Variants in MAPK12 observed in about 807,000 individuals in gnomAD.
The protein encoded by MAPK12 is mitogen-activated protein kinase 12.
Under a neutral mutation model 49.1 loss-of-function variants are expected in MAPK12, and 49 were observed. That is an observed-to-expected ratio of 1.00 (90% CI 0.79 to 1.27). The LOEUF is 1.27. Ranked by LOEUF, MAPK12 falls within the 50% of genes most tolerant of loss-of-function variation. The pLI is 0.00. For missense variants in MAPK12, 554 were observed against 502.4 expected (o/e 1.10, Z -0.98); for synonymous variants, 251 against 209.7 (o/e 1.20, Z -1.70).
intron 11 of MAPK12, chr22:50,254,280 C>CG (rs76989507): frequency 1.3e-5 from 2 of 152,454 alleles, no homozygotes. Context: ...GACTGCTTAG[C>CG]GGGGGCTGGG....
At position 50,256,969 on chromosome 22, in the gene MAPK12, G is replaced by A. The variant is rs578001046; in HGVS notation, c.427-5C>T. 36 of 1,605,778 alleles carry A rather than the reference G, an allele frequency of 2.2e-5. No individual in the cohort carries two copies. The highest frequency in any genetic ancestry group is 1.6e-4 in the Middle Eastern group (1 of 6,070). On this transcript the variant is annotated splice_polypyrimidine_tract_variant and splice_region_variant and intron_variant, in intron 4 of 11. Coordinates refer to ENST00000215659, the MANE Select transcript of MAPK12 (RefSeq NM_002969.6). ...GATGCCGGCAGCGTGGATATACTGC[G>A]GGGGGCAGAGGATTTGGCAGGCTTC...
intron 2 of MAPK12, among the ~76,000 whole-genome samples, chr22:50,259,112 C>T (rs922288022): frequency 2.0e-5 from 3 of 152,304 alleles, no homozygotes; most frequent in African/African-American, 4.8e-5. Flanking sequence ...CTAAATGCGT[C>T]CTCCTGGCCG....
intron 9 of MAPK12, 31 bp downstream of exon 9, chr22:50,255,584 A>ACCCCC: frequency 1.6e-6 from 1 of 644,892 alleles, no homozygotes; most frequent in South Asian, 2.4e-5. Context: ...GTCCGCCCCC[A>ACCCCC]CCCCCACCCA....
chr22:50,256,532 GGATA>G (rs936241996), intron 6 of MAPK12, 63 bp downstream of exon 6: 1 of 1,560,276 alleles, frequency 6.4e-7, no homozygotes, highest in African/African-American at 1.4e-5. Context: ...CCTGACAGGT[GGATA>G]GATGGGCAGA....
At position 50,254,966 on chromosome 22, in the gene MAPK12, C is replaced by A. The variant is rs773879625; in HGVS notation, c.1024+231G>T. 2.2e-4 allele frequency: 314 copies of A among 1,421,254 alleles called. 1 individual carries two copies. Among genetic ancestry groups the A allele is most frequent in the Non-Finnish European group, 2.7e-4 (297 of 1,088,252 alleles). 88.0% of individuals were successfully genotyped at this position (1,421,254 alleles called of 1,614,324 possible). A position where few individuals can be genotyped will look rare whatever the true frequency, so the allele number is the denominator to read the frequency against. ...CCAGGCCACACGGCCCCATGCTGCC[C>A]TGACCTCCCATCCTCCTCACCTGAC... On this transcript the variant is annotated intron_variant, in intron 11 of 11. Coordinates refer to ENST00000215659, the MANE Select transcript of MAPK12 (RefSeq NM_002969.6).
chr22:50,256,588 G>T lies in MAPK12; in HGVS notation c.504+11C>A. On this transcript the variant is annotated intron_variant, in intron 6 of 11. Coordinates refer to ENST00000215659, the MANE Select transcript of MAPK12 (RefSeq NM_002969.6). ...GCCCCACCTCAGGGCCCCCTGCCAG[G>T]CAGCACACACCTTCAGCTCACAGTC... is the stretch of plus-strand genomic sequence containing the variant. The T allele has an allele frequency of 6.2e-7, 1 of 1,610,338 alleles. No homozygotes were observed. Among genetic ancestry groups the T allele is most frequent in the Non-Finnish European group, 8.5e-7 (1 of 1,178,532 alleles).
At chr22:50,258,495 C>T (rs1220633573) in intron 2 of MAPK12, among the ~76,000 whole-genome samples, 194 bp from the exon 3 acceptor site, 1 of 152,218 alleles carries the variant, frequency 6.6e-6, no homozygotes, top group African/African-American at 2.4e-5. Flanking sequence ...CAGTGTGGCC[C>T]AGCCCTGGCA....
At chr22:50,260,539 G>A (rs1157497297) in intron 2 of MAPK12, among the ~76,000 whole-genome samples, 3 of 152,168 alleles carry the variant, frequency 2.0e-5, no homozygotes, top group Non-Finnish European at 4.4e-5. Context: ...TCACTGGAAG[G>A]ACTGGAAAGG....
At chr22:50,255,736 G>C in intron 8 of MAPK12, 42 bp from the exon 9 acceptor site, 1 of 1,608,766 alleles carries the variant, frequency 6.2e-7, no homozygotes, top group Non-Finnish European at 8.5e-7. Context: ...CCAGAGATCA[G>C]GGCCCCCACT....
Position 50,261,177 on chromosome 22 carries a change from C to A in MAPK12, c.245G>T (p.Arg82Leu). The A allele has an allele frequency of 1.3e-6, 2 of 1,590,184 alleles. No homozygotes were observed. Among genetic ancestry groups the A allele is most frequent in the Non-Finnish European group, 1.7e-6 (2 of 1,169,140 alleles). The change falls in exon 2 of 12, where the codon CGC becomes CTC. Residue 82 changes from arginine (R) to leucine (L), a missense_variant. Coordinates refer to ENST00000215659, the MANE Select transcript of MAPK12 (RefSeq NM_002969.6). Reference protein sequence around the residue: ...YRELRLLKHMRHENVIGLLDV... With the variant: ...YRELRLLKHMLHENVIGLLDV... ...GGCCGCGCGACTCACGTTCTCGTGGCGCATGTGCTTGAGCAGGCGCAGCTC... is the reference window on the plus strand; with the variant it reads ...GGCCGCGCGACTCACGTTCTCGTGGAGCATGTGCTTGAGCAGGCGCAGCTC...
intron 2 of MAPK12, among the ~76,000 whole-genome samples, chr22:50,259,969 G>A (rs1458111206): frequency 1.3e-5 from 2 of 148,386 alleles, no homozygotes; most frequent in African/African-American, 5.0e-5. Flanking sequence ...GTGGGAGCAG[G>A]GGGCCGTGGG....
Position 50,253,297 on chromosome 22 carries a change from G to A in MAPK12, c.*104C>T, listed in dbSNP as rs375955324. 543 of 827,208 alleles carry A rather than the reference G, an allele frequency of 6.6e-4. 5 individuals carry two copies. The East Asian group carries it at 0.013, about 20-fold the overall frequency. 51.2% of individuals were successfully genotyped at this position (827,208 alleles called of 1,614,324 possible). A position where few individuals can be genotyped will look rare whatever the true frequency, so the allele number is the denominator to read the frequency against. The stretch of plus-strand genomic sequence containing the variant: ...AACCCGGGCGTCTGCTCTGATGGAT[G>A]CCTTGGGATGCAAGCCCCAGCCAAG... On this transcript the variant is annotated 3_prime_UTR_variant, in exon 12 of 12. Transcript: ENST00000215659.
chr22:50,259,724 A>G (rs1291038903), intron 2 of MAPK12, among the ~76,000 whole-genome samples: 2 of 151,870 alleles, frequency 1.3e-5, no homozygotes, highest in African/African-American at 4.8e-5. Flanking sequence ...CTCAACTAAA[A>G]ATACAAAAAA....
intron 2 of MAPK12, among the ~76,000 whole-genome samples, chr22:50,259,744 C>T (rs866734419): frequency 6.6e-6 from 1 of 151,840 alleles, no homozygotes; most frequent in African/African-American, 2.4e-5. Flanking sequence ...ATTAGCCAGG[C>T]GTGGTGGCGC....
chr22:50,255,146 A>G (rs941004083), intron 11 of MAPK12, 51 bp downstream of exon 11: 1 of 1,606,812 alleles, frequency 6.2e-7, no homozygotes, highest in Non-Finnish European at 8.5e-7. Context: ...GGCCCTGCCC[A>G]GAGCCCCCCA....
chr22:50,253,502 G>GGGGGGGGGGGGGGGGGGGA, intron 11 of MAPK12, 22 bp from the exon 12 acceptor site: 1 of 171,684 alleles, frequency 5.8e-6, no homozygotes, highest in Non-Finnish European at 1.1e-5. Flanking sequence ...GGGGGGGCGG[G>GGGGGGGGGGGGGGGGGGGA]CACAACAGAG....
At chr22:50,253,502 G>GGGGGGGGGAGGC in intron 11 of MAPK12, 22 bp from the exon 12 acceptor site, 1 of 171,684 alleles carries the variant, frequency 5.8e-6, no homozygotes, top group Non-Finnish European at 1.1e-5. Context: ...GGGGGGGCGG[G>GGGGGGGGGAGGC]CACAACAGAG....
At chr22:50,259,239 CAG>C (rs2065184224) in intron 2 of MAPK12, among the ~76,000 whole-genome samples, 2 of 152,112 alleles carry the variant, frequency 1.3e-5, no homozygotes, top group Non-Finnish European at 2.9e-5. Flanking sequence ...GGAGAGGGAA[CAG>C]AGGGGGTGTC....
chr22:50,260,483 C>T (rs1407863841), intron 2 of MAPK12, among the ~76,000 whole-genome samples: 1 of 152,062 alleles, frequency 6.6e-6, no homozygotes, highest in Non-Finnish European at 1.5e-5. Flanking sequence ...TTCTTAGCAG[C>T]CAGCCACCGC....
Sources: gnomAD v4.1 joint callset for allele counts (sites outside exome capture counted in the v4.1 genomes callset) on GRCh38, gnomAD v4.1.1 for gene constraint, MANE v1.5 for transcripts, NCBI Gene and HGNC (gene_info 2026-07-23, HGNC 2026-07-21) for gene names.